The following TRABD2A variants were observed in gnomAD, a reference collection of about 807,000 sequenced individuals.
TRABD2A encodes the protein metalloprotease TIKI1.
A neutral mutation model predicts 45.6 loss-of-function variants in TRABD2A; 43 were observed. The ratio of observed to expected loss-of-function variants is 0.94; its 90% CI spans 0.74 to 1.22. TRABD2A has a LOEUF of 1.22. TRABD2A is among the 50% of genes most tolerant of loss of function. The pLI is 0.00. For missense variants in TRABD2A, 642 were observed against 652.4 expected, an observed-to-expected ratio of 0.98 and a Z score of 0.17; for synonymous variants, 269 against 265.0, an observed-to-expected ratio of 1.02 and a Z score of -0.15.
chr2:84,863,597 C>CTTTTTT (rs55952015), intron 2 of TRABD2A, among the ~76,000 whole-genome samples: 10 of 78,110 alleles, frequency 1.3e-4, no homozygotes, highest in Non-Finnish European at 1.4e-4. Flanking sequence ...TTCAAATTTT[C>CTTTTTT]TTTTTTTTTT....
At chr2:84,868,520 ATTAGTTAACTAGTTAAT>A (rs1682762971) in intron 2 of TRABD2A, among the ~76,000 whole-genome samples, 1 of 147,526 alleles carries the variant, frequency 6.8e-6, no homozygotes, top group African/African-American at 2.7e-5. Context: ...TAATTAGTTA[ATTAGTTAACTAGTTAAT>A]TAGTTAATTA....
intron 2 of TRABD2A, among the ~76,000 whole-genome samples, chr2:84,861,140 C>A (rs748293218): frequency 6.6e-6 from 1 of 152,152 alleles, no homozygotes; most frequent in Admixed American, 6.5e-5. Flanking sequence ...AGGGCTTTAC[C>A]TTTGGCACCA....
At position 84,870,214 on chromosome 2, in the gene TRABD2A, G is replaced by C; in HGVS notation, c.669+11C>G. 1 of 1,591,754 alleles carries C rather than the reference G, an allele frequency of 6.3e-7. No individual in the cohort carries two copies. The stretch of plus-strand genomic sequence containing the variant: ...AATGCCACTAAGTCTTTTATGCAAA[G>C]AGAGTCTTACCTGTGAAAAGTTCAA... On this transcript the variant is annotated intron_variant, in intron 2 of 6. Transcript: ENST00000409520.
In TRABD2A at chr2:84,870,644, C is replaced by G. The variant is rs750901575; in HGVS notation, c.250G>C (p.Val84Leu). The change falls in exon 2 of 7, where the codon GTG (valine) becomes CTG (leucine). Residue 84 changes from valine (V) to leucine (L), a missense_variant. Transcript: ENST00000409520. ...TCTGTGAGATCCAACTCAAAGTACACAATGCTGCTCTGCAGGAAAGCCTCC... is the reference window on the plus strand; with the variant it reads ...TCTGTGAGATCCAACTCAAAGTACAGAATGCTGCTCTGCAGGAAAGCCTCC... The part of the protein sequence containing the change: ...SKEAFLQSSI[V>L]YFELDLTDPY... The G allele has an allele frequency of 6.2e-7, 1 of 1,612,116 alleles. No individual in the cohort carries two copies. The highest frequency in any genetic ancestry group is 1.7e-5 in the Admixed American group (1 of 59,666).
intron 2 of TRABD2A, among the ~76,000 whole-genome samples, chr2:84,864,473 A>G (rs1466220994): frequency 6.6e-6 from 1 of 152,106 alleles, no homozygotes; most frequent in Non-Finnish European, 1.5e-5. Context: ...ACCTAGTGCC[A>G]TCCCCACTGA....
At chr2:84,833,994 C>A (rs1681421810) in intron 4 of TRABD2A, 1 of 152,484 alleles carries the variant, frequency 6.6e-6, no homozygotes, top group Non-Finnish European at 1.5e-5. Context: ...CTCCCCAGCG[C>A]CCCATTACCC....
intron 2 of TRABD2A, among the ~76,000 whole-genome samples, chr2:84,854,956 C>T (rs1255276226): frequency 6.6e-6 from 1 of 152,114 alleles, no homozygotes; most frequent in Non-Finnish European, 1.5e-5. Flanking sequence ...TCACTGTGCC[C>T]TTCCTCTACC....
chr2:84,824,943 C>T (rs1410913933), intron 5 of TRABD2A, among the ~76,000 whole-genome samples: 1 of 152,078 alleles, frequency 6.6e-6, no homozygotes, highest in African/African-American at 2.4e-5. Context: ...TAGTTTTCCC[C>T]TAAAGGTGAC....
At chr2:84,856,033 G>C (rs1016382329) in intron 2 of TRABD2A, among the ~76,000 whole-genome samples, 9 of 152,280 alleles carry the variant, frequency 5.9e-5, no homozygotes, top group African/African-American at 2.2e-4. Context: ...CAAACAAAGG[G>C]CCTCGCATCT....
intron 4 of TRABD2A, chr2:84,834,732 T>C (rs1046004653): frequency 8.4e-5 from 12 of 142,858 alleles, no homozygotes; most frequent in African/African-American, 3.1e-4. Context: ...CTTTCCTTTT[T>C]ATGGCCAAAT....
Position 84,870,636 on chromosome 2 carries a change from A to G in TRABD2A, c.258T>C (p.Phe86=), listed in dbSNP as rs768137908. Residue 86 remains phenylalanine, a synonymous_variant, in exon 2 of 7, where the codon TTT becomes TTC. Transcript: ENST00000409520. ...TATAGGGGTCTGTGAGATCCAACTC[A>G]AAGTACACAATGCTGCTCTGCAGGA... ...EAFLQSSIVY[F]ELDLTDPYTI... 1.2e-6 allele frequency: 2 copies of G among 1,612,772 alleles called. No individual in the cohort carries two copies. Among genetic ancestry groups the G allele is most frequent in the Non-Finnish European group, 1.7e-6 (2 of 1,179,410 alleles).
Position 84,821,872 on chromosome 2 carries a change from C to G in TRABD2A, c.*45G>C. The G allele has an allele frequency of 6.7e-7, 1 of 1,495,238 alleles. No homozygotes were observed. The highest frequency in any genetic ancestry group is 8.9e-7 in the Non-Finnish European group (1 of 1,117,998). The allele number at this position is 1,495,238 out of a possible 1,614,324, so 92.6% of individuals were successfully genotyped here. ...AATGTGGAGTACAGGAATGGCCATT[C>G]TTCAAGTCCGAGGGGTCAGGTTCTT... On this transcript the variant is annotated 3_prime_UTR_variant, in exon 7 of 7. Transcript: ENST00000409520.
At chr2:84,855,721 C>T (rs896273202) in intron 2 of TRABD2A, among the ~76,000 whole-genome samples, 4 of 151,954 alleles carry the variant, frequency 2.6e-5, no homozygotes, top group Non-Finnish European at 5.9e-5. Context: ...TGGAAAGAAT[C>T]GATTAAGCTC....
chr2:84,846,011 CTGATTTCA>C (rs931060447), intron 2 of TRABD2A, among the ~76,000 whole-genome samples: 2 of 152,140 alleles, frequency 1.3e-5, no homozygotes, highest in Non-Finnish European at 2.9e-5. Context: ...GTTAAACTCT[CTGATTTCA>C]GGCTTGCCAG....
chr2:84,863,597 CTTTTTTTTTTTT>C (rs55952015), intron 2 of TRABD2A, among the ~76,000 whole-genome samples: 1 of 78,100 alleles, frequency 1.3e-5, no homozygotes, highest in East Asian at 4.0e-4. Context: ...TTCAAATTTT[CTTTTTTTTTTTT>C]TTTTTTTTTT....
chr2:84,839,490 T>C (rs1233322298), intron 3 of TRABD2A, among the ~76,000 whole-genome samples, 167 bp from the exon 4 acceptor site: 2 of 152,016 alleles, frequency 1.3e-5, no homozygotes, highest in Admixed American at 6.5e-5. Context: ...TCTATCACAT[T>C]CCCTGTAACC....
chr2:84,872,708 T>G (rs1457827888), intron 1 of TRABD2A, among the ~76,000 whole-genome samples: 3 of 152,242 alleles, frequency 2.0e-5, no homozygotes, highest in Non-Finnish European at 4.4e-5. Flanking sequence ...TGCCACAAAA[T>G]TAGCAAATAC....
At chr2:84,823,854 A>G (rs1446881677) in intron 6 of TRABD2A, 99 bp downstream of exon 6, 17 of 1,503,666 alleles carry the variant, frequency 1.1e-5, no homozygotes, top group Non-Finnish European at 1.2e-5. Context: ...AGGTTGCTCC[A>G]TGAGGGGGGC....
In TRABD2A at chr2:84,870,403, C is replaced by A. The variant is rs768774262; in HGVS notation, c.491G>T (p.Arg164Met). The A allele has an allele frequency of 6.2e-7, 1 of 1,614,024 alleles. No individual in the cohort carries two copies. The highest frequency in any genetic ancestry group is 8.5e-7 in the Non-Finnish European group (1 of 1,179,898). ...GACCATGAGCATCACCCAGACAGGCCTCTTGCGCTCCCAGTTTCCGGCAAT... is the reference window on the plus strand; with the variant it reads ...GACCATGAGCATCACCCAGACAGGCATCTTGCGCTCCCAGTTTCCGGCAAT... ...NAIAGNWERK[R>M]PVWVMLMVNS... The change falls in exon 2 of 7, where the codon AGG (arginine) becomes ATG (methionine). Residue 164 changes from arginine to methionine, a missense_variant. Physicochemically the swap from Arg to Met is moderately conservative, Grantham distance 91 (BLOSUM62 -1). Transcript: ENST00000409520.
Sources: gnomAD v4.1 joint callset for allele counts (sites outside exome capture counted in the v4.1 genomes callset) on GRCh38, gnomAD v4.1.1 for gene constraint, MANE v1.5 for transcripts, NCBI Gene and HGNC (gene_info 2026-07-23, HGNC 2026-07-21) for gene names.